CCDC57: variants seen among roughly 807,000 people sequenced by gnomAD.
CCDC57 encodes coiled-coil domain containing 57.
Under a neutral mutation model 118.9 loss-of-function variants are expected in CCDC57, and 118 were observed. The observed-to-expected ratio is 0.99, with a 90% CI of 0.86 to 1.16. CCDC57 has a LOEUF of 1.16. Among genes scored for constraint, CCDC57 ranks in the 50% most tolerant of loss-of-function variants. The pLI is 0.00. For missense variants in CCDC57, 1,300 were observed against 1,320.7 expected (o/e 0.98, Z 0.24); for synonymous variants, 527 against 532.9 (o/e 0.99, Z 0.15).
intron 18 of CCDC57, among the ~76,000 whole-genome samples, 171 bp from the exon 18 acceptor site, chr17:82,128,079 T>A (rs765032271): frequency 1.4e-4 from 21 of 152,088 alleles, no homozygotes; most frequent in South Asian, 1.2e-3. Flanking sequence ...CAGGGATGCA[T>A]CCGGGGAGCG....
exon 5 of CCDC57, chr17:82,195,269 C>G (rs765431730): frequency 5.0e-6 from 8 of 1,591,562 alleles, no homozygotes; most frequent in Non-Finnish European, 6.8e-6. Flanking sequence ...TTACCTTAAG[C>G]TCCCGGGACA....
chr17:82,180,564 C>T (rs1246597595), intron 9 of CCDC57, among the ~76,000 whole-genome samples: 2 of 152,208 alleles, frequency 1.3e-5, no homozygotes, highest in East Asian at 1.9e-4. Flanking sequence ...CAGCCTCCAC[C>T]TCCTGGGCTC....
chr17:82,121,446 G>C (rs1289172630), intron 19 of CCDC57, among the ~76,000 whole-genome samples: 1 of 152,214 alleles, frequency 6.6e-6, no homozygotes, highest in Non-Finnish European at 1.5e-5. Flanking sequence ...TGTTAAGACA[G>C]GCGCCTGGAG....
At chr17:82,194,035 C>T in exon 6 of CCDC57, 1 of 1,613,552 alleles carries the variant, frequency 6.2e-7, no homozygotes, top group Non-Finnish European at 8.5e-7. Context: ...GGCTCTGGAG[C>T]TTCCTCTCCA....
intron 19 of CCDC57, among the ~76,000 whole-genome samples, chr17:82,114,304 G>A (rs1307402891): frequency 6.6e-6 from 1 of 152,210 alleles, no homozygotes; most frequent in Admixed American, 6.5e-5. Flanking sequence ...GCCTGCGGAG[G>A]TGGGGGCCAG....
At chr17:82,145,933 C>T (rs1160345651) in intron 16 of CCDC57, 3 of 341,012 alleles carry the variant, frequency 8.8e-6, no homozygotes, top group Non-Finnish European at 1.8e-5. Context: ...CCGGCACCTC[C>T]CCCCACAGCC....
chr17:82,204,786 A>G (rs1403231779), intron 2 of CCDC57, among the ~76,000 whole-genome samples: 9 of 149,396 alleles, frequency 6.0e-5, no homozygotes, highest in Admixed American at 6.0e-4. Context: ...CCATCTCAAG[A>G]AAAAAAAAAG....
At chr17:82,143,196 C>T (rs1476013690) in intron 16 of CCDC57, among the ~76,000 whole-genome samples, 1 of 150,720 alleles carries the variant, frequency 6.6e-6, no homozygotes, top group African/African-American at 2.4e-5. Context: ...ACAATGATTA[C>T]ACTGACAGTA....
At chr17:82,207,264 T>A (rs1183263666) in intron 2 of CCDC57, among the ~76,000 whole-genome samples, 1 of 151,928 alleles carries the variant, frequency 6.6e-6, no homozygotes, top group Non-Finnish European at 1.5e-5. Context: ...GCTTACGACG[T>A]TGAGGCTGCA....
chr17:82,137,624 T>G (rs1487229463), intron 16 of CCDC57, among the ~76,000 whole-genome samples: 2 of 152,148 alleles, frequency 1.3e-5, no homozygotes, highest in Non-Finnish European at 1.5e-5. Flanking sequence ...TTTTTTTTCC[T>G]TCTCAAAATT....
At chr17:82,186,532 C>G (rs1470293138) in intron 8 of CCDC57, among the ~76,000 whole-genome samples, 1 of 152,200 alleles carries the variant, frequency 6.6e-6, no homozygotes, top group Non-Finnish European at 1.5e-5. Flanking sequence ...TTGAATCTGA[C>G]TGATCAAACA....
At chr17:82,155,819 G>T (rs898595407) in intron 15 of CCDC57, 1 of 152,218 alleles carries the variant, frequency 6.6e-6, no homozygotes, top group Non-Finnish European at 1.5e-5. Context: ...GGTGGGCCTC[G>T]CCTGGGTGGA....
At chr17:82,111,931 C>G (rs1387558720) in intron 19 of CCDC57, 1 of 150,158 alleles carries the variant, frequency 6.7e-6, no homozygotes, top group Non-Finnish European at 1.5e-5. Context: ...GAGTGTTGGG[C>G]CTTGTTTTGG....
At chr17:82,210,583 G>A (rs1034689750) in intron 1 of CCDC57, among the ~76,000 whole-genome samples, 14 of 151,772 alleles carry the variant, frequency 9.2e-5, no homozygotes, top group Non-Finnish European at 1.5e-4. Flanking sequence ...AGGAGGCTGA[G>A]GCAGGACAAT....
intron 19 of CCDC57, among the ~76,000 whole-genome samples, chr17:82,111,244 C>T (rs982901057): frequency 5.1e-4 from 18 of 35,626 alleles, no homozygotes; most frequent in Admixed American, 2.5e-3. Context: ...TACAGGTGCC[C>T]GCCACCATGC....
rs112307397 is a variant in CCDC57 at position 82,212,165 on chromosome 17, C to T, written c.-211+620G>A. ...TGTGGCGTTCTCTCTATAACTCCCT[C>T]AGTTACAACATCGGGTTCAAGCGAT... On this transcript the variant is annotated intron_variant, in intron 1 of 19. Coordinates refer to ENST00000665763, the Ensembl canonical transcript of CCDC57. The surrounding 1 kb of genome is among the most constrained non-coding windows in gnomAD (Gnocchi z 4.1). Among the ~76,000 whole-genome samples the T allele has an allele frequency of 4.6e-5, 7 of 152,244 alleles. No individual in the cohort carries two copies. The highest frequency in any genetic ancestry group is 1.4e-4 in the African/African-American group (6 of 41,556).
At chr17:82,160,220 A>G (rs2043150952) in intron 14 of CCDC57, 1 of 152,350 alleles carries the variant, frequency 6.6e-6, no homozygotes. Context: ...CAACAGGATG[A>G]GGACAGCATG....
At chr17:82,124,380 G>T (rs2037137992) in intron 19 of CCDC57, among the ~76,000 whole-genome samples, 1 of 152,328 alleles carries the variant, frequency 6.6e-6, no homozygotes, top group Admixed American at 6.5e-5. Context: ...AGCCTGATAG[G>T]TGGAGACTTG....
intron 15 of CCDC57, chr17:82,154,342 G>A (rs1374917665): frequency 1.3e-5 from 2 of 152,412 alleles, no homozygotes; most frequent in Non-Finnish European, 2.9e-5. Context: ...GCCGTGGAAG[G>A]GGACCAGCTT....
Sources: gnomAD v4.1 joint callset for allele counts (sites outside exome capture counted in the v4.1 genomes callset) on GRCh38, gnomAD v4.1.1 for gene constraint, Gnocchi (gnomAD v3.1) non-coding constraint, MANE v1.5 for transcripts, NCBI Gene and HGNC (gene_info 2026-07-23, HGNC 2026-07-21) for gene names.